SESTD1: variants seen among roughly 807,000 people sequenced by gnomAD.
SESTD1 encodes the protein SEC14 domain and spectrin repeat-containing protein 1.
Under a neutral mutation model 101.7 loss-of-function variants are expected in SESTD1, and 43 were observed. The ratio of observed to expected loss-of-function variants is 0.42; its 90% CI spans 0.33 to 0.55. SESTD1 has a LOEUF of 0.55. Ranked by LOEUF, SESTD1 falls within the 20% of genes least tolerant of loss-of-function variation. The pLI is 0.07. For missense variants in SESTD1, 647 were observed against 815.1 expected (o/e 0.79, Z 2.51); for synonymous variants, 283 against 286.8 (o/e 0.99, Z 0.13).
At chr2:179,228,221 G>A (rs2046920214) in intron 1 of SESTD1, among the ~76,000 whole-genome samples, 1 of 152,150 alleles carries the variant, frequency 6.6e-6, no homozygotes, top group Non-Finnish European at 1.5e-5. Context: ...ACGGATGTAT[G>A]TGTCTGTGTC....
intron 8 of SESTD1, among the ~76,000 whole-genome samples, chr2:179,145,530 T>C (rs1420629446): frequency 2.0e-5 from 3 of 152,306 alleles, no homozygotes; most frequent in African/African-American, 2.4e-5. Context: ...AGAAATAAAA[T>C]TGAGGTATTT....
At chr2:179,184,803 ACT>A (rs1483423129) in intron 2 of SESTD1, among the ~76,000 whole-genome samples, 1 of 152,156 alleles carries the variant, frequency 6.6e-6, no homozygotes. Flanking sequence ...GGACTATGGC[ACT>A]CTGACTCACT....
intron 1 of SESTD1, among the ~76,000 whole-genome samples, chr2:179,226,711 ATAAC>A (rs2046891721): frequency 6.6e-6 from 1 of 152,230 alleles, no homozygotes; most frequent in Non-Finnish European, 1.5e-5. Flanking sequence ...CCCAAATTTA[ATAAC>A]AATCTATTTT....
chr2:179,107,869 A>C lies in SESTD1; in HGVS notation c.*2030T>G, dbSNP rs918702614. On this transcript the variant is annotated 3_prime_UTR_variant, in exon 18 of 18. Coordinates refer to ENST00000428443, the MANE Select transcript of SESTD1 (RefSeq NM_178123.5). ...GAAGACTGAAATAAATAATCACAAA[A>C]GTTCATACTCATAGCAGTAAAGCCC... The C allele has an allele frequency of 1.1e-4, 16 of 152,144 alleles. No individual in the cohort carries two copies. Among genetic ancestry groups the C allele is most frequent in the Admixed American group, 2.0e-4 (3 of 15,264 alleles). 9.4% of individuals were successfully genotyped at this position (152,144 alleles called of 1,614,324 possible). A position where few individuals can be genotyped will look rare whatever the true frequency, so the allele number is the denominator to read the frequency against.
intron 1 of SESTD1, among the ~76,000 whole-genome samples, chr2:179,225,414 C>T (rs1192692558): frequency 6.6e-6 from 1 of 151,900 alleles, no homozygotes; most frequent in African/African-American, 2.4e-5. Flanking sequence ...TATAATTATT[C>T]ATTTTTTTAA....
chr2:179,153,753 A>G (rs1370300799), intron 5 of SESTD1, among the ~76,000 whole-genome samples: 1 of 152,212 alleles, frequency 6.6e-6, no homozygotes, highest in Non-Finnish European at 1.5e-5. Flanking sequence ...CAGACATCAA[A>G]AAAGCTATCA....
intron 1 of SESTD1, among the ~76,000 whole-genome samples, chr2:179,229,749 T>TTTTATATATATATATATATATATA (rs1491118463): frequency 1.9e-5 from 2 of 106,362 alleles, no homozygotes; most frequent in African/African-American, 3.3e-5. Flanking sequence ...TTGTAAGAAC[T>TTTTATATATATATATATATATATA]TATATATATA....
Position 179,115,109 on chromosome 2 carries a change from G to A in SESTD1, c.1795C>T (p.His599Tyr), listed in dbSNP as rs770953101. Residue 599 changes from histidine (H) to tyrosine (Y), a missense_variant, in exon 16 of 18, where the codon CAT (histidine) becomes TAT (tyrosine). Physicochemically the swap from His to Tyr is moderately conservative, Grantham distance 83. Coordinates refer to ENST00000428443, the MANE Select transcript of SESTD1 (RefSeq NM_178123.5). ...QFTIASEERV[H>Y]RLEMAIAFHS... ...AATGCAATAGCCATTTCCAATCTAT[G>A]TACTCTCTCTTCAGATGCTATTGTA... 1 of 1,611,030 alleles carries A rather than the reference G, an allele frequency of 6.2e-7. No homozygotes were observed. The highest frequency in any genetic ancestry group is 8.5e-7 in the Non-Finnish European group (1 of 1,179,368).
intron 6 of SESTD1, 121 bp downstream of exon 6, chr2:179,151,157 A>G (rs992995514): frequency 2.0e-5 from 12 of 597,340 alleles, no homozygotes; most frequent in African/African-American, 1.7e-4. Flanking sequence ...TGGTATGCAC[A>G]TATTTCTCCA....
At chr2:179,259,457 T>TG in intron 1 of SESTD1, among the ~76,000 whole-genome samples, 1 of 152,264 alleles carries the variant, frequency 6.6e-6, no homozygotes, top group South Asian at 2.1e-4. Flanking sequence ...CTTGAACTCC[T>TG]GACCTCGTGA....
chr2:179,185,660 TACA>T (rs2046208309), intron 2 of SESTD1, among the ~76,000 whole-genome samples: 1 of 75,322 alleles, frequency 1.3e-5, no homozygotes, highest in Non-Finnish European at 2.9e-5. Context: ...ATATAGCATA[TACA>T]ATATATAATA....
chr2:179,107,628 A>T lies in SESTD1; in HGVS notation c.*2271T>A, dbSNP rs2044412560. On this transcript the variant is annotated 3_prime_UTR_variant, in exon 18 of 18. Coordinates refer to ENST00000428443, the MANE Select transcript of SESTD1 (RefSeq NM_178123.5). ...CTAAGAATAGATTCACTTGTAAGTC[A>T]GTTCTAACTTTAAAAAAGTATGTTT... 6.6e-6 allele frequency: 1 copy of T among 152,182 alleles called. No individual in the cohort carries two copies. The highest frequency in any genetic ancestry group is 1.5e-5 in the Non-Finnish European group (1 of 68,014). The allele number at this position is 152,182 out of a possible 1,614,324, so 9.4% of individuals were successfully genotyped here. A position where few individuals can be genotyped will look rare whatever the true frequency, so the allele number is the denominator to read the frequency against.
At chr2:179,258,653 C>T (rs886546090) in intron 1 of SESTD1, among the ~76,000 whole-genome samples, 1 of 152,138 alleles carries the variant, frequency 6.6e-6, no homozygotes, top group Non-Finnish European at 1.5e-5. Flanking sequence ...CTGTACTTCT[C>T]AGCTCTCACA....
chr2:179,187,341 T>C (rs1384338749), intron 2 of SESTD1, among the ~76,000 whole-genome samples: 1 of 152,150 alleles, frequency 6.6e-6, no homozygotes, highest in Non-Finnish European at 1.5e-5. Context: ...AAAAAAAGAT[T>C]TGGCCAAGCA....
intron 1 of SESTD1, among the ~76,000 whole-genome samples, chr2:179,258,095 T>C (rs2047426631): frequency 6.6e-6 from 1 of 152,216 alleles, no homozygotes; most frequent in Non-Finnish European, 1.5e-5. Context: ...AATCAGATTA[T>C]AAACTCCTTG....
chr2:179,253,925 C>A (rs1037491272), intron 1 of SESTD1, among the ~76,000 whole-genome samples: 1 of 151,828 alleles, frequency 6.6e-6, no homozygotes. Flanking sequence ...ATGGCATAAA[C>A]CCTGAGTCTA....
chr2:179,159,201 G>C (rs2045687727), intron 5 of SESTD1, among the ~76,000 whole-genome samples: 2 of 152,136 alleles, frequency 1.3e-5, no homozygotes, highest in African/African-American at 4.8e-5. Context: ...AGAGGAAAGA[G>C]AATCCCTCCT....
chr2:179,191,764 C>G lies in SESTD1; in HGVS notation c.55+23G>C, dbSNP rs780743834. On this transcript the variant is annotated intron_variant, in intron 2 of 17. Coordinates refer to ENST00000428443, the MANE Select transcript of SESTD1 (RefSeq NM_178123.5). The stretch of plus-strand genomic sequence containing the variant: ...TAAAAAGTTTGTATATCAAACACTT[C>G]AAATTTTAAGAAGAAATCATACCTG... 1.6e-5 allele frequency: 25 copies of G among 1,601,688 alleles called. No individual in the cohort carries two copies. The South Asian group carries it at 2.5e-4, about 16-fold the overall frequency.
intron 16 of SESTD1, among the ~76,000 whole-genome samples, chr2:179,114,207 A>G (rs1257312955): frequency 1.3e-5 from 2 of 152,188 alleles, no homozygotes; most frequent in East Asian, 3.8e-4. Context: ...ACACTGATCT[A>G]CGGAGTTCAA....
Sources: allele counts gnomAD v4.1 joint callset (sites outside exome capture counted in the v4.1 genomes callset), GRCh38; gene constraint gnomAD v4.1.1; transcripts MANE v1.5; gene names NCBI Gene and HGNC (gene_info 2026-07-23, HGNC 2026-07-21).